The following KHDRBS2 variants were observed in gnomAD, a reference collection of about 807,000 sequenced individuals.
KHDRBS2 encodes the protein KH domain-containing, RNA-binding, signal transduction-associated protein 2.
A neutral mutation model predicts 44.3 loss-of-function variants in KHDRBS2; 26 were observed. The observed-to-expected ratio is 0.59, with a 90% CI of 0.43 to 0.81. The LOEUF (loss-of-function observed/expected upper bound fraction) is 0.81, where lower values mean the gene tolerates loss of function less well. KHDRBS2 is among the 40% of genes least tolerant of loss of function. The pLI is 0.00. For synonymous variants in KHDRBS2, 194 were observed against 151.1 expected (o/e 1.28, Z -2.08); for missense variants, 476 against 433.1 (o/e 1.10, Z -0.88).
intron 2 of KHDRBS2, among the ~76,000 whole-genome samples, chr6:62,161,361 A>G (rs1817579338): frequency 6.6e-6 from 1 of 151,492 alleles, no homozygotes; most frequent in Non-Finnish European, 1.5e-5. Context: ...TTGAAAAAAT[A>G]AAATATAATA....
chr6:61,696,464 G>A (rs1767917806), intron 8 of KHDRBS2, among the ~76,000 whole-genome samples: 1 of 151,536 alleles, frequency 6.6e-6, no homozygotes, highest in Admixed American at 6.6e-5. Flanking sequence ...TCACCATGTT[G>A]GCCAAGATGG....
the KHDRBS2 span, among the ~76,000 whole-genome samples, chr6:61,629,384 T>C: frequency 6.6e-6 from 1 of 152,304 alleles, no homozygotes; most frequent in East Asian, 1.9e-4. Flanking sequence ...GCATATATTC[T>C]TACACTACCA....
the KHDRBS2 span, among the ~76,000 whole-genome samples, chr6:61,547,807 T>A: frequency 9.2e-3 from 1,408 of 152,230 alleles, 28 homozygotes; most frequent in African/African-American, 0.033. Context: ...TCCTATAAAT[T>A]TGTTAATACA....
chr6:61,766,278 T>C (rs1170090133), intron 6 of KHDRBS2, among the ~76,000 whole-genome samples: 5 of 152,092 alleles, frequency 3.3e-5, no homozygotes, highest in Admixed American at 2.0e-4. Context: ...TTGCTCATAG[T>C]AGTTTCTAAT....
At chr6:61,717,609 C>A (rs1180372647) in intron 7 of KHDRBS2, among the ~76,000 whole-genome samples, 2 of 151,978 alleles carry the variant, frequency 1.3e-5, no homozygotes, top group Admixed American at 1.3e-4. Flanking sequence ...GTGAATAGTG[C>A]CACTTAAATG....
intron 2 of KHDRBS2, among the ~76,000 whole-genome samples, chr6:62,056,110 T>C (rs1381345117): frequency 2.0e-5 from 3 of 152,012 alleles, no homozygotes; most frequent in Admixed American, 6.6e-5. Flanking sequence ...CCCACAGTTA[T>C]ATTAGCCTTG....
At chr6:61,712,778 G>A (rs890579358) in intron 7 of KHDRBS2, among the ~76,000 whole-genome samples, 3 of 151,760 alleles carry the variant, frequency 2.0e-5, no homozygotes, top group Non-Finnish European at 2.9e-5. Flanking sequence ...ATTAGTAGTA[G>A]TAACGTTCTA....
At chr6:62,209,755 G>A (rs1305704519) in intron 1 of KHDRBS2, among the ~76,000 whole-genome samples, 4 of 152,118 alleles carry the variant, frequency 2.6e-5, no homozygotes, top group African/African-American at 9.7e-5. Context: ...GAAGAAGTTG[G>A]AAGAACTAGA....
intron 4 of KHDRBS2, among the ~76,000 whole-genome samples, chr6:61,968,466 C>A (rs980170964): frequency 6.6e-6 from 1 of 151,896 alleles, no homozygotes; most frequent in Admixed American, 6.6e-5. Context: ...AACAAGAGGT[C>A]CCCAAATAGA....
intron 1 of KHDRBS2, among the ~76,000 whole-genome samples, chr6:62,222,217 T>C (rs530959831): frequency 5.1e-4 from 73 of 143,918 alleles, no homozygotes; most frequent in Non-Finnish European, 1.0e-3. Flanking sequence ...AAAAAGAGAG[T>C]GAGGGAGGGA....
chr6:61,922,895 C>G (rs1188658929), intron 4 of KHDRBS2, among the ~76,000 whole-genome samples: 3 of 152,008 alleles, frequency 2.0e-5, no homozygotes, highest in Non-Finnish European at 4.4e-5. Context: ...AGGTGGTAAT[C>G]AATTCAGAAT....
At chr6:61,729,652 G>A (rs1448680685) in intron 7 of KHDRBS2, among the ~76,000 whole-genome samples, 1 of 151,892 alleles carries the variant, frequency 6.6e-6, no homozygotes, top group African/African-American at 2.4e-5. Context: ...CTGTGTACTA[G>A]TATCTAATTG....
At chr6:61,944,627 A>G (rs1448796164) in intron 4 of KHDRBS2, among the ~76,000 whole-genome samples, 3 of 152,162 alleles carry the variant, frequency 2.0e-5, no homozygotes, top group Non-Finnish European at 4.4e-5. Flanking sequence ...ATATATTAAC[A>G]TATTACAAAA....
intron 6 of KHDRBS2, among the ~76,000 whole-genome samples, chr6:61,881,501 G>GA (rs1194964755): frequency 6.6e-6 from 1 of 151,896 alleles, no homozygotes; most frequent in Non-Finnish European, 1.5e-5. Context: ...GGGACACACT[G>GA]AAAGACCAAG....
At chr6:62,087,294 T>C (rs1798575227) in intron 2 of KHDRBS2, among the ~76,000 whole-genome samples, 1 of 151,966 alleles carries the variant, frequency 6.6e-6, no homozygotes, top group African/African-American at 2.4e-5. Context: ...TAAAAGACAT[T>C]AAGAAAATTA....
intron 6 of KHDRBS2, among the ~76,000 whole-genome samples, chr6:61,744,022 T>C (rs532300496): frequency 6.6e-6 from 1 of 152,190 alleles, no homozygotes; most frequent in South Asian, 2.1e-4. Flanking sequence ...CTTCATCCAG[T>C]CTATTGTTGT....
chr6:61,749,245 C>T (rs1332268199), intron 6 of KHDRBS2, among the ~76,000 whole-genome samples: 2 of 151,934 alleles, frequency 1.3e-5, no homozygotes, highest in African/African-American at 4.8e-5. Context: ...GATCTCCTGA[C>T]CTTGTGATCC....
At chr6:61,751,559 G>T (rs1341863879) in intron 6 of KHDRBS2, among the ~76,000 whole-genome samples, 1 of 152,152 alleles carries the variant, frequency 6.6e-6, no homozygotes, top group African/African-American at 2.4e-5. Context: ...TTCATCCTGA[G>T]TCCTTCACAT....
At chr6:61,749,543 C>T (rs1777360408) in intron 6 of KHDRBS2, among the ~76,000 whole-genome samples, 1 of 152,160 alleles carries the variant, frequency 6.6e-6, no homozygotes, top group African/African-American at 2.4e-5. Context: ...CTCTTCATTT[C>T]TCATTCATCT....
Sources: allele counts gnomAD v4.1 joint callset (sites outside exome capture counted in the v4.1 genomes callset), GRCh38; gene constraint gnomAD v4.1.1; transcripts MANE v1.5; gene names NCBI Gene and HGNC (gene_info 2026-07-23, HGNC 2026-07-21).